Variants in CALN1 observed in about 807,000 individuals in gnomAD.
CALN1 encodes calneuron 1.
A neutral mutation model predicts 30.6 loss-of-function variants in CALN1; 17 were observed. The observed-to-expected ratio is 0.56, with a 90% CI of 0.38 to 0.83. The LOEUF (loss-of-function observed/expected upper bound fraction) is 0.83, where lower values mean the gene tolerates loss of function less well. Among genes scored for constraint, CALN1 ranks in the 40% least tolerant of loss-of-function variants. CALN1 has a pLI of 0.00. For synonymous variants in CALN1, 156 were observed against 131.4 expected (o/e 1.19, Z -1.28); for missense variants, 291 against 354.9 (o/e 0.82, Z 1.45).
chr7:72,447,837 G>A (rs751469677), upstream of CALN1, among the ~76,000 whole-genome samples: 1 of 145,978 alleles, frequency 6.9e-6, no homozygotes, highest in Non-Finnish European at 1.5e-5. Context: ...ATACCCACCC[G>A]TGTACACACA....
chr7:72,228,351 T>C (rs929000003), intron 3 of CALN1, among the ~76,000 whole-genome samples: 1 of 151,728 alleles, frequency 6.6e-6, no homozygotes, highest in African/African-American at 2.4e-5. Flanking sequence ...TTAGTTTAAA[T>C]GTCTGGCTTC....
intron 3 of CALN1, among the ~76,000 whole-genome samples, chr7:72,162,880 C>A (rs1788218381): frequency 6.6e-6 from 1 of 152,164 alleles, no homozygotes; most frequent in Non-Finnish European, 1.5e-5. Flanking sequence ...GTGTCAGATA[C>A]AAAGTTTGGG....
At chr7:72,201,392 C>T (rs774359116) in intron 3 of CALN1, among the ~76,000 whole-genome samples, 1 of 152,006 alleles carries the variant, frequency 6.6e-6, no homozygotes, top group Non-Finnish European at 1.5e-5. Context: ...CATTCAAGAC[C>T]AGCCTGGTCA....
Position 71,893,072 on chromosome 7 carries a change from C to G in CALN1, c.502-82580G>C, listed in dbSNP as rs537425604. On this transcript the variant is annotated intron_variant, in intron 5 of 6. Coordinates refer to ENST00000395275, the MANE Select transcript of CALN1 (RefSeq NM_031468.4). ...TTTCTTTCATTTTCTTTTCCTTGTT[C>G]ATTACGTTAGATACCACTGTTAACA... 5.3e-5 allele frequency among the ~76,000 whole-genome samples: 8 copies of G among 152,240 alleles called. 1 individual carries two copies. The East Asian group carries it at 1.5e-3, about 29-fold the overall frequency.
chr7:72,105,165 A>T (rs896681930), intron 4 of CALN1, among the ~76,000 whole-genome samples: 8 of 152,140 alleles, frequency 5.3e-5, no homozygotes, highest in African/African-American at 1.9e-4. Flanking sequence ...GTCTGGCTAC[A>T]CTGGGGCTAC....
chr7:72,414,175 C>T (rs1807350125), upstream of CALN1, among the ~76,000 whole-genome samples: 1 of 152,042 alleles, frequency 6.6e-6, no homozygotes, highest in African/African-American at 2.4e-5. Flanking sequence ...TAGAGTTTGG[C>T]GGGAAGCTCA....
chr7:72,100,571 A>C (rs1806580654), intron 4 of CALN1, among the ~76,000 whole-genome samples: 1 of 152,058 alleles, frequency 6.6e-6, no homozygotes, highest in Non-Finnish European at 1.5e-5. Context: ...GTAATCCCAG[A>C]ACTTTGGGAG....
chr7:72,296,800 A>C (rs1397765496), intron 2 of CALN1, among the ~76,000 whole-genome samples: 2 of 150,470 alleles, frequency 1.3e-5, no homozygotes, highest in Non-Finnish European at 3.0e-5. Flanking sequence ...TGATCCTTTC[A>C]AAAAACCAGC....
chr7:72,403,790 A>G (rs960261890), intron 1 of CALN1, among the ~76,000 whole-genome samples: 2 of 152,208 alleles, frequency 1.3e-5, no homozygotes, highest in African/African-American at 4.8e-5. Context: ...GCAAGGAAGC[A>G]AAACATCTTG....
intron 3 of CALN1, among the ~76,000 whole-genome samples, chr7:72,213,559 G>GAT (rs1447207072): frequency 2.6e-5 from 4 of 152,182 alleles, no homozygotes; most frequent in African/African-American, 9.7e-5. Context: ...GTATGTAAAT[G>GAT]ATACTTAATA....
intron 4 of CALN1, among the ~76,000 whole-genome samples, chr7:72,062,511 C>CAAAAAAAAAAAAAAA (rs376093442): frequency 3.4e-5 from 2 of 59,358 alleles, no homozygotes; most frequent in African/African-American, 1.5e-4. Flanking sequence ...GACTCTATCT[C>CAAAAAAAAAAAAAAA]AAAAAAAAAA....
chr7:72,206,740 T>G, intron 3 of CALN1, among the ~76,000 whole-genome samples: 1 of 152,214 alleles, frequency 6.6e-6, no homozygotes, highest in Non-Finnish European at 1.5e-5. Context: ...TCTTGAAGAA[T>G]ATGTTTATCT....
chr7:72,147,396 C>T (rs2129543866), intron 3 of CALN1, among the ~76,000 whole-genome samples: 1 of 151,460 alleles, frequency 6.6e-6, no homozygotes, highest in African/African-American at 2.4e-5. Flanking sequence ...CAGAGAAATG[C>T]AAATCAAAAC....
At chr7:72,130,923 T>C (rs1337446138) in intron 3 of CALN1, among the ~76,000 whole-genome samples, 3 of 152,110 alleles carry the variant, frequency 2.0e-5, no homozygotes, top group Non-Finnish European at 2.9e-5. Context: ...AATCAGGAAA[T>C]GACTTAATCA....
At chr7:72,156,369 C>A (rs1787677609) in intron 3 of CALN1, among the ~76,000 whole-genome samples, 2 of 152,140 alleles carry the variant, frequency 1.3e-5, no homozygotes, top group African/African-American at 4.8e-5. Flanking sequence ...TGTGAAGAGC[C>A]CCCTGTATCT....
chr7:71,868,824 C>T (rs1300523001), intron 5 of CALN1, among the ~76,000 whole-genome samples: 1 of 152,118 alleles, frequency 6.6e-6, no homozygotes, highest in Admixed American at 6.6e-5. Context: ...TGGGAAGGAT[C>T]TGTTTGCCCT....
At chr7:72,157,577 A>G (rs1239026309) in intron 3 of CALN1, among the ~76,000 whole-genome samples, 1 of 151,502 alleles carries the variant, frequency 6.6e-6, no homozygotes, top group Admixed American at 6.6e-5. Flanking sequence ...AGACAGGGGA[A>G]AAAAAAAACA....
chr7:72,272,492 G>A (rs1420079937), intron 3 of CALN1, among the ~76,000 whole-genome samples: 1 of 152,092 alleles, frequency 6.6e-6, no homozygotes, highest in Non-Finnish European at 1.5e-5. Flanking sequence ...AACCCAGGAG[G>A]TGGAGGCTGC....
At chr7:72,100,774 C>A (rs1215707374) in intron 4 of CALN1, among the ~76,000 whole-genome samples, 2 of 140,972 alleles carry the variant, frequency 1.4e-5, no homozygotes, top group African/African-American at 5.3e-5. Flanking sequence ...GAGCCAAGAT[C>A]GCGCCACTGC....
Sources: allele counts gnomAD v4.1 joint callset (sites outside exome capture counted in the v4.1 genomes callset), GRCh38; gene constraint gnomAD v4.1.1; transcripts MANE v1.5; gene names NCBI Gene and HGNC (gene_info 2026-07-23, HGNC 2026-07-21).